Variants in CALN1 observed in about 807,000 individuals in gnomAD.
CALN1 encodes the protein calneuron 1.
A neutral mutation model predicts 30.6 loss-of-function variants in CALN1; 17 were observed. That is an observed-to-expected ratio of 0.56 (90% CI 0.38 to 0.83). The LOEUF (loss-of-function observed/expected upper bound fraction) is 0.83, where lower values mean the gene tolerates loss of function less well. Among genes scored for constraint, CALN1 ranks in the 40% least tolerant of loss-of-function variants. The pLI, the probability that CALN1 is intolerant of heterozygous loss-of-function variation, is 0.00. For missense variants in CALN1, 291 were observed against 354.9 expected (o/e 0.82, Z 1.45); for synonymous variants, 156 against 131.4 (o/e 1.19, Z -1.28).
intron 1 of CALN1, among the ~76,000 whole-genome samples, chr7:72,404,977 A>C (rs1255231875): frequency 6.6e-6 from 1 of 152,184 alleles, no homozygotes; most frequent in East Asian, 1.9e-4. Flanking sequence ...ATGCTTTGTA[A>C]TTTCCATCTG....
chr7:72,411,983 G>A (rs1262113061), intron 1 of CALN1, 75 bp downstream of exon 1: 1 of 152,164 alleles, frequency 6.6e-6, no homozygotes, highest in African/African-American at 2.4e-5. Flanking sequence ...AAAGTACCCA[G>A]ATGGCTCCCA....
At chr7:72,061,502 C>G (rs1157536387) in intron 4 of CALN1, among the ~76,000 whole-genome samples, 6 of 149,724 alleles carry the variant, frequency 4.0e-5, no homozygotes, top group Non-Finnish European at 8.9e-5. Context: ...AACAAGACTA[C>G]AATGAAAATT....
At chr7:72,371,174 TTTC>T (rs1229072510) in intron 2 of CALN1, among the ~76,000 whole-genome samples, 4 of 152,230 alleles carry the variant, frequency 2.6e-5, no homozygotes, top group Non-Finnish European at 5.9e-5. Context: ...TTGCAAAGGT[TTTC>T]TTCTGTATTT....
intron 3 of CALN1, among the ~76,000 whole-genome samples, chr7:72,113,680 TTGTC>T (rs1157170492): frequency 1.3e-5 from 2 of 152,218 alleles, no homozygotes; most frequent in African/African-American, 4.8e-5. Flanking sequence ...TCTCCACTGG[TTGTC>T]TATTTTCTCC....
At chr7:72,232,678 T>G (rs1466027739) in intron 3 of CALN1, among the ~76,000 whole-genome samples, 1 of 152,232 alleles carries the variant, frequency 6.6e-6, no homozygotes, top group Non-Finnish European at 1.5e-5. Flanking sequence ...CAGGCTGGTC[T>G]TGAACTCCTG....
At chr7:72,106,383 A>G in intron 3 of CALN1, 89 bp from the exon 4 acceptor site, 5 of 1,498,280 alleles carry the variant, frequency 3.3e-6, no homozygotes, top group Non-Finnish European at 4.6e-6. Context: ...GAGAACTCCT[A>G]ACTGCTTTAA....
intron 3 of CALN1, among the ~76,000 whole-genome samples, chr7:72,197,856 T>C (rs1791142308): frequency 6.6e-6 from 1 of 151,902 alleles, no homozygotes; most frequent in South Asian, 2.1e-4. Flanking sequence ...ATCCTGTCTC[T>C]GAAAAACAGA....
At chr7:72,010,847 A>C (rs1420291173) in intron 5 of CALN1, among the ~76,000 whole-genome samples, 1 of 150,892 alleles carries the variant, frequency 6.6e-6, no homozygotes, top group African/African-American at 2.4e-5. Context: ...AAGAAAAAGA[A>C]AAGAAAAGGA....
At chr7:72,431,273 T>C (rs2129564026) in intron 1 of CALN1, among the ~76,000 whole-genome samples, 1 of 152,208 alleles carries the variant, frequency 6.6e-6, no homozygotes, top group Non-Finnish European at 1.5e-5. Context: ...TTATTAGTAG[T>C]GGTGGGCCCT....
At chr7:72,179,360 A>G (rs1789591430) in intron 3 of CALN1, among the ~76,000 whole-genome samples, 1 of 152,292 alleles carries the variant, frequency 6.6e-6, no homozygotes, top group Middle Eastern at 3.4e-3. Context: ...ATCTTGACTT[A>G]GAGTAATGGC....
intron 1 of CALN1, among the ~76,000 whole-genome samples, chr7:72,423,910 G>T (rs1216931377): frequency 3.0e-5 from 4 of 132,562 alleles, no homozygotes; most frequent in Non-Finnish European, 6.4e-5. Flanking sequence ...AGGGAGGGAG[G>T]GAGACAGAAA....
At chr7:72,236,916 T>C (rs975924728) in intron 3 of CALN1, among the ~76,000 whole-genome samples, 1 of 152,138 alleles carries the variant, frequency 6.6e-6, no homozygotes, top group Non-Finnish European at 1.5e-5. Context: ...CAGAATTTAA[T>C]TGATGTGTTG....
At chr7:72,161,150 A>G (rs1788080917) in intron 3 of CALN1, among the ~76,000 whole-genome samples, 1 of 152,210 alleles carries the variant, frequency 6.6e-6, no homozygotes, top group African/African-American at 2.4e-5. Context: ...GGAGAAACGT[A>G]AACTAACTAA....
chr7:72,451,982 C>A (rs1213629782), upstream of CALN1, among the ~76,000 whole-genome samples: 1 of 152,038 alleles, frequency 6.6e-6, no homozygotes, highest in Non-Finnish European at 1.5e-5. Flanking sequence ...CCAGCCTGGG[C>A]AACAAGTGAT....
At chr7:71,967,628 A>AG (rs1225766176) in intron 5 of CALN1, among the ~76,000 whole-genome samples, 1 of 139,510 alleles carries the variant, frequency 7.2e-6, no homozygotes, top group Non-Finnish European at 1.5e-5. Flanking sequence ...CCTGTTTCAA[A>AG]AAAAAAAAAA....
intron 5 of CALN1, among the ~76,000 whole-genome samples, chr7:71,939,323 C>T (rs58312711): frequency 0.16 from 23,445 of 149,316 alleles, 1,880 homozygotes; most frequent in Middle Eastern, 0.2. Flanking sequence ...TTTGGGAGGC[C>T]GAGGTGGATG....
intron 1 of CALN1, among the ~76,000 whole-genome samples, chr7:72,410,718 T>A (rs1024547665): frequency 6.6e-6 from 1 of 152,102 alleles, no homozygotes; most frequent in African/African-American, 2.4e-5. Context: ...AAATTAACAT[T>A]GAAAATCAGA....
chr7:72,285,951 GAC>G (rs1798053866), intron 2 of CALN1, among the ~76,000 whole-genome samples: 4 of 152,156 alleles, frequency 2.6e-5, no homozygotes, highest in Admixed American at 2.6e-4. Context: ...AACCAGTCCT[GAC>G]ACAGCCTTTG....
intron 4 of CALN1, among the ~76,000 whole-genome samples, chr7:72,054,514 T>TATACATAC (rs1353253303): frequency 2.2e-5 from 2 of 92,508 alleles, no homozygotes; most frequent in African/African-American, 1.2e-4. Flanking sequence ...TATATACATA[T>TATACATAC]ATATACATAT....
Sources: allele counts gnomAD v4.1 joint callset (sites outside exome capture counted in the v4.1 genomes callset), GRCh38; gene constraint gnomAD v4.1.1; transcripts MANE v1.5; gene names NCBI Gene and HGNC (gene_info 2026-07-23, HGNC 2026-07-21).